Variants in WDR72 observed in about 807,000 individuals in gnomAD.
The protein encoded by WDR72 is WD repeat-containing protein 72.
A neutral mutation model predicts 124.2 loss-of-function variants in WDR72; 120 were observed. The observed-to-expected ratio is 0.97, with a 90% confidence interval of 0.83 to 1.12. The LOEUF (loss-of-function observed/expected upper bound fraction) is 1.12. Ranked by LOEUF, WDR72 falls within the 50% of genes most tolerant of loss-of-function variation. The pLI, the probability that WDR72 is intolerant of heterozygous loss-of-function variation, is 0.00. For synonymous variants in WDR72, 452 were observed against 441.7 expected, an observed-to-expected ratio of 1.02 and a Z score of -0.29; for missense variants, 1,387 against 1,278.8, an observed-to-expected ratio of 1.08 and a Z score of -1.29.
chr15:53,631,867 A>T (rs2140395925), intron 14 of WDR72, among the ~76,000 whole-genome samples: 1 of 152,296 alleles, frequency 6.6e-6, no homozygotes, highest in Non-Finnish European at 1.5e-5. Context: ...CTAAAAGCCT[A>T]TCTCATATGA....
chr15:53,520,305 T>G (rs944498209), intron 19 of WDR72, among the ~76,000 whole-genome samples: 1 of 152,100 alleles, frequency 6.6e-6, no homozygotes, highest in Non-Finnish European at 1.5e-5. Context: ...GTAATAATTA[T>G]ATTAGTCATT....
At chr15:53,604,621 A>G (rs901068019) in intron 17 of WDR72, among the ~76,000 whole-genome samples, 3 of 152,210 alleles carry the variant, frequency 2.0e-5, no homozygotes, top group Non-Finnish European at 4.4e-5. Context: ...CAAAGAACTT[A>G]AACAAATTTA....
intron 18 of WDR72, among the ~76,000 whole-genome samples, chr15:53,527,206 G>T (rs974356935): frequency 1.3e-5 from 2 of 152,072 alleles, no homozygotes; most frequent in Non-Finnish European, 1.5e-5. Context: ...AGCAGGATTT[G>T]TTGTTAAAAT....
chr15:53,573,937 A>T (rs1277493296), intron 18 of WDR72, among the ~76,000 whole-genome samples: 1 of 152,208 alleles, frequency 6.6e-6, no homozygotes, highest in African/African-American at 2.4e-5. Flanking sequence ...ATATCTCAGG[A>T]TATTAAACAT....
intron 18 of WDR72, among the ~76,000 whole-genome samples, chr15:53,559,875 T>A (rs983249347): frequency 1.3e-5 from 2 of 151,972 alleles, no homozygotes; most frequent in African/African-American, 4.8e-5. Context: ...AGTGTGCAAC[T>A]TAAAATAAAA....
intron 6 of WDR72, among the ~76,000 whole-genome samples, chr15:53,714,046 C>A (rs2017631821): frequency 6.6e-6 from 1 of 152,092 alleles, no homozygotes; most frequent in Non-Finnish European, 1.5e-5. Flanking sequence ...ATACTGGACT[C>A]CCCAGGGACA....
rs1036366527 is a variant in WDR72 at position 53,705,239 on chromosome 15, A to G, written c.1103-6T>C. Reference sequence around the variant, plus strand: ...GGTGGCAGTTACTGGTATCTCTAAAAAGAAAACAGACATAAAAAGAAAATT... The same window carrying G: ...GGTGGCAGTTACTGGTATCTCTAAAGAGAAAACAGACATAAAAAGAAAATT... On this transcript the variant is annotated splice_polypyrimidine_tract_variant and splice_region_variant and intron_variant, in intron 10 of 19. Transcript: ENST00000360509. The G allele has an allele frequency of 1.2e-6, 2 of 1,612,078 alleles. No individual in the cohort carries two copies. The highest frequency in any genetic ancestry group is 1.7e-6 in the Non-Finnish European group (2 of 1,179,970).
intron 14 of WDR72, among the ~76,000 whole-genome samples, chr15:53,643,732 ATC>A (rs754146340): frequency 6.6e-6 from 1 of 151,816 alleles, no homozygotes; most frequent in South Asian, 2.1e-4. Context: ...GCGTGTATGT[ATC>A]TGTGTGTGTG....
At chr15:53,651,604 C>G (rs928342586) in intron 14 of WDR72, among the ~76,000 whole-genome samples, 9 of 152,154 alleles carry the variant, frequency 5.9e-5, no homozygotes, top group African/African-American at 2.2e-4. Flanking sequence ...GAAAATAAGA[C>G]AAATAAATAG....
intron 14 of WDR72, among the ~76,000 whole-genome samples, chr15:53,635,774 C>A (rs994696353): frequency 5.3e-5 from 8 of 152,056 alleles, no homozygotes; most frequent in Middle Eastern, 3.4e-3. Context: ...TCATTTATAC[C>A]CCAAACCTTA....
intron 11 of WDR72, among the ~76,000 whole-genome samples, chr15:53,702,744 G>A (rs539924704): frequency 2.9e-4 from 44 of 152,158 alleles, no homozygotes; most frequent in Middle Eastern, 3.4e-3. Flanking sequence ...GTGGTAGCTC[G>A]CACCTATAGT....
chr15:53,659,171 TTAAG>T (rs1402071272), intron 14 of WDR72, among the ~76,000 whole-genome samples: 18 of 152,194 alleles, frequency 1.2e-4, no homozygotes, highest in African/African-American at 4.3e-4. Context: ...CATTCACACA[TTAAG>T]TAAGCTTTCT....
chr15:53,665,846 G>A lies in WDR72; in HGVS notation c.1766-78C>T. 6 of 1,399,816 alleles carry A rather than the reference G, an allele frequency of 4.3e-6. No homozygotes were observed. In the South Asian group the frequency reaches 7.1e-5, roughly 17 times the overall value. 86.7% of individuals were successfully genotyped at this position (1,399,816 alleles called of 1,614,324 possible). A position where few individuals can be genotyped will look rare whatever the true frequency, so the allele number is the denominator to read the frequency against. On this transcript the variant is annotated intron_variant, in intron 13 of 19. Transcript: ENST00000360509. ...AATAAGACAGAACAAACACTCTTTA[G>A]CAGAAGAATCACAATCCTTTAAGTT...
chr15:53,680,880 G>A (rs2016357717), intron 13 of WDR72, among the ~76,000 whole-genome samples: 1 of 152,106 alleles, frequency 6.6e-6, no homozygotes, highest in Non-Finnish European at 1.5e-5. Context: ...GAAAGTGGTG[G>A]GCCAATCTAT....
intron 14 of WDR72, among the ~76,000 whole-genome samples, chr15:53,663,397 T>A (rs558833369): frequency 1.3e-5 from 2 of 152,200 alleles, no homozygotes; most frequent in African/African-American, 4.8e-5. Context: ...GAAAATAAAG[T>A]TGAAATCAGC....
At chr15:53,737,753 AC>A (rs1306859884) in intron 1 of WDR72, among the ~76,000 whole-genome samples, 1 of 152,234 alleles carries the variant, frequency 6.6e-6, no homozygotes, top group Non-Finnish European at 1.5e-5. Flanking sequence ...CAAGCAGACA[AC>A]AAAAATTTAA....
intron 19 of WDR72, among the ~76,000 whole-genome samples, chr15:53,518,592 G>A (rs1244972131): frequency 1.3e-5 from 2 of 151,170 alleles, no homozygotes; most frequent in African/African-American, 2.4e-5. Context: ...TTTTTTTAGC[G>A]CTAACCATAA....
intron 18 of WDR72, among the ~76,000 whole-genome samples, chr15:53,547,750 G>A (rs1437945675): frequency 2.0e-5 from 3 of 152,132 alleles, no homozygotes; most frequent in Non-Finnish European, 4.4e-5. Context: ...TTAATTGGTT[G>A]AGCTAAAGAA....
chr15:53,593,710 C>T (rs73406297), intron 18 of WDR72, among the ~76,000 whole-genome samples: 6,946 of 151,114 alleles, frequency 0.046, 546 homozygotes, highest in African/African-American at 0.16. Flanking sequence ...TGCAGTGAGA[C>T]AAGATCACAC....
Sources: gnomAD v4.1 joint callset for allele counts (sites outside exome capture counted in the v4.1 genomes callset) on GRCh38, gnomAD v4.1.1 for gene constraint, MANE v1.5 for transcripts, NCBI Gene and HGNC (gene_info 2026-07-23, HGNC 2026-07-21) for gene names.